ARHGAP10: variants seen among roughly 807,000 people sequenced by gnomAD.
The protein encoded by ARHGAP10 is rho GTPase-activating protein 10.
A neutral mutation model predicts 108.6 loss-of-function variants in ARHGAP10; 87 were observed. The ratio of observed to expected loss-of-function variants is 0.80; its 90% CI spans 0.67 to 0.96. ARHGAP10 has a LOEUF of 0.96. Ranked by LOEUF, ARHGAP10 falls within the 40% of genes least tolerant of loss-of-function variation. The pLI is 0.00. For missense variants in ARHGAP10, 939 were observed against 954.5 expected, an observed-to-expected ratio of 0.98 and a Z score of 0.21; for synonymous variants, 347 against 341.1, an observed-to-expected ratio of 1.02 and a Z score of -0.19.
chr4:147,987,825 G>C (rs193010096), intron 18 of ARHGAP10, among the ~76,000 whole-genome samples: 1 of 152,214 alleles, frequency 6.6e-6, no homozygotes, highest in Non-Finnish European at 1.5e-5. Flanking sequence ...GAGTGGGAGA[G>C]AAGTGGAGAC....
At chr4:148,057,947 C>T (rs746551961) in intron 20 of ARHGAP10, among the ~76,000 whole-genome samples, 2 of 152,236 alleles carry the variant, frequency 1.3e-5, no homozygotes, top group Non-Finnish European at 2.9e-5. Flanking sequence ...TCTCCCCCAA[C>T]GCCGTGGGTT....
intron 1 of ARHGAP10, among the ~76,000 whole-genome samples, chr4:147,798,721 GACACTCTCTCTCTCTC>G (rs1352322407): frequency 1.4e-4 from 16 of 116,212 alleles, no homozygotes; most frequent in African/African-American, 7.2e-4. Flanking sequence ...AGGAGTTTGA[GACACTCTCTCTCTCTC>G]TCTCTCTCTC....
In ARHGAP10 at chr4:147,875,122, C is replaced by A; in HGVS notation, c.804C>A (p.Ala268=). 6.3e-7 allele frequency: 1 copy of A among 1,596,372 alleles called. No individual in the cohort carries two copies. Among genetic ancestry groups the A allele is most frequent in the East Asian group, 2.3e-5 (1 of 44,212 alleles). ...KDHKRASQFT[A]EGYLYVQEKR... ...ACAAACGAGCAAGTCAGTTTACAGC[C>A]GAAGGCTACCTGTATGTCCAGGAAA... Residue 268 remains alanine, a synonymous_variant, in exon 8 of 23, where the codon GCC becomes GCA. Transcript: ENST00000336498.
At chr4:148,071,540 C>T (rs1014546913) in intron 22 of ARHGAP10, among the ~76,000 whole-genome samples, 24 of 152,096 alleles carry the variant, frequency 1.6e-4, no homozygotes, top group African/African-American at 4.1e-4. Context: ...TGCTTGAATC[C>T]GGGAGGCAGA....
At chr4:147,807,512 G>T (rs1731839594) in intron 1 of ARHGAP10, among the ~76,000 whole-genome samples, 1 of 151,984 alleles carries the variant, frequency 6.6e-6, no homozygotes, top group African/African-American at 2.4e-5. Context: ...ACGTAAAGAG[G>T]TCGGTGTATT....
chr4:147,959,547 G>A (rs1738917409), intron 16 of ARHGAP10, among the ~76,000 whole-genome samples: 1 of 151,946 alleles, frequency 6.6e-6, no homozygotes, highest in African/African-American at 2.4e-5. Context: ...GCCCAGGTGT[G>A]TGATGTTCCC....
intron 13 of ARHGAP10, among the ~76,000 whole-genome samples, chr4:147,919,041 C>A (rs556059881): frequency 6.6e-6 from 1 of 152,342 alleles, no homozygotes; most frequent in South Asian, 2.1e-4. Flanking sequence ...GAAGGTGGCT[C>A]AGTTCTCCTT....
intron 22 of ARHGAP10, among the ~76,000 whole-genome samples, chr4:148,070,614 A>G (rs533471591): frequency 1.8e-4 from 27 of 152,338 alleles, no homozygotes; most frequent in African/African-American, 6.5e-4. Flanking sequence ...ATGGGGAAAA[A>G]AAGAGTAGAA....
intron 1 of ARHGAP10, among the ~76,000 whole-genome samples, chr4:147,801,207 C>G (rs1731568271): frequency 6.6e-6 from 1 of 152,112 alleles, no homozygotes; most frequent in African/African-American, 2.4e-5. Context: ...TCTCAGGGGT[C>G]TTATGGAGGT....
At chr4:147,741,035 A>G (rs981512863) in intron 1 of ARHGAP10, among the ~76,000 whole-genome samples, 1 of 152,136 alleles carries the variant, frequency 6.6e-6, no homozygotes, top group Non-Finnish European at 1.5e-5. Context: ...TTCCCTCTGA[A>G]TATATTTGTG....
intron 18 of ARHGAP10, among the ~76,000 whole-genome samples, chr4:147,994,392 T>TG (rs145203797): frequency 0.021 from 3,233 of 152,320 alleles, 127 homozygotes; most frequent in African/African-American, 0.073. Context: ...CTTGCACAGC[T>TG]GGTGTGGTGT....
At chr4:147,876,654 A>C (rs531874225) in intron 8 of ARHGAP10, among the ~76,000 whole-genome samples, 45 of 152,308 alleles carry the variant, frequency 3.0e-4, no homozygotes, top group African/African-American at 6.7e-4. Context: ...GAATGTTAGA[A>C]TTATTTGTAT....
At chr4:147,941,088 T>C (rs1299269590) in intron 14 of ARHGAP10, among the ~76,000 whole-genome samples, 1 of 152,242 alleles carries the variant, frequency 6.6e-6, no homozygotes, top group Non-Finnish European at 1.5e-5. Context: ...GTACAGCATC[T>C]GCTTTTACTT....
Position 147,866,701 on chromosome 4 carries a change from C to G in ARHGAP10, c.598-11C>G, listed in dbSNP as rs371189441. 44 of 1,594,058 alleles carry G rather than the reference C, an allele frequency of 2.8e-5. No individual in the cohort carries two copies. In the African/African-American group the frequency reaches 5.4e-4, roughly 20 times the overall value. On this transcript the variant is annotated splice_polypyrimidine_tract_variant and intron_variant, in intron 6 of 22. Transcript: ENST00000336498. ...TTTTGTGCTAATATCTCTTTTCTTC[C>G]TGTGTCTTAGATGCTGTCATTTTTT...
chr4:147,736,478 CT>C (rs888491917), intron 1 of ARHGAP10, among the ~76,000 whole-genome samples: 3 of 150,980 alleles, frequency 2.0e-5, no homozygotes, highest in Admixed American at 6.6e-5. Flanking sequence ...CCTTGGTTTC[CT>C]TTTTTTTTGT....
intron 18 of ARHGAP10, among the ~76,000 whole-genome samples, chr4:148,020,731 T>C (rs1741536534): frequency 6.6e-6 from 1 of 152,174 alleles, no homozygotes; most frequent in Non-Finnish European, 1.5e-5. Flanking sequence ...TCTTTGCTAT[T>C]GTGAATAATG....
chr4:147,773,446 T>C (rs1180469206), intron 1 of ARHGAP10, among the ~76,000 whole-genome samples: 1 of 152,160 alleles, frequency 6.6e-6, no homozygotes, highest in Non-Finnish European at 1.5e-5. Flanking sequence ...CATGGAAGGC[T>C]CTGTGTTTTA....
intron 14 of ARHGAP10, among the ~76,000 whole-genome samples, chr4:147,941,482 G>C (rs1321840046): frequency 1.3e-5 from 2 of 152,132 alleles, no homozygotes; most frequent in African/African-American, 2.4e-5. Flanking sequence ...CTGGAAAACT[G>C]TTTTTACTTT....
intron 1 of ARHGAP10, among the ~76,000 whole-genome samples, 153 bp from the exon 2 acceptor site, chr4:147,822,574 T>C (rs1732548905): frequency 6.6e-6 from 1 of 152,220 alleles, no homozygotes; most frequent in Non-Finnish European, 1.5e-5. Context: ...AGGTTGAAGA[T>C]GGCGGGCCAT....
Sources: gnomAD v4.1 joint callset for allele counts (sites outside exome capture counted in the v4.1 genomes callset) on GRCh38, gnomAD v4.1.1 for gene constraint, MANE v1.5 for transcripts, NCBI Gene and HGNC (gene_info 2026-07-23, HGNC 2026-07-21) for gene names.